PMEPA1: variants seen among roughly 807,000 people sequenced by gnomAD.
The protein encoded by PMEPA1 is protein TMEPAI.
Under a neutral mutation model 23.0 loss-of-function variants are expected in PMEPA1, and 11 were observed. The ratio of observed to expected loss-of-function variants is 0.48; its 90% CI spans 0.30 to 0.79. The LOEUF (loss-of-function observed/expected upper bound fraction) is 0.79, where lower values mean the gene tolerates loss of function less well. Among genes scored for constraint, PMEPA1 ranks in the 30% least tolerant of loss-of-function variants. The pLI, the probability that PMEPA1 is intolerant of heterozygous loss-of-function variation, is 0.06. For missense variants in PMEPA1, 377 were observed against 390.9 expected, an observed-to-expected ratio of 0.96 and a Z score of 0.30; for synonymous variants, 204 against 166.4, an observed-to-expected ratio of 1.23 and a Z score of -1.74.
intron 1 of PMEPA1, among the ~76,000 whole-genome samples, chr20:57,669,053 A>T (rs2071531853): frequency 1.3e-5 from 2 of 152,212 alleles, no homozygotes; most frequent in African/African-American, 4.8e-5. Context: ...AGTGGCTCAG[A>T]GCGAACTCAT....
chr20:57,676,798 A>C (rs1009115534), intron 1 of PMEPA1, among the ~76,000 whole-genome samples: 1 of 152,060 alleles, frequency 6.6e-6, no homozygotes, highest in African/African-American at 2.4e-5. Flanking sequence ...GAGGAGAGAG[A>C]ACCTTGGCGT....
chr20:57,675,028 A>G (rs2071617736), intron 1 of PMEPA1, among the ~76,000 whole-genome samples: 1 of 152,170 alleles, frequency 6.6e-6, no homozygotes, highest in Non-Finnish European at 1.5e-5. Flanking sequence ...CATGCCCCAT[A>G]TGGAGGGGTT....
Position 57,649,160 on chromosome 20 carries a change from C to T in PMEPA1, c.*2893G>A, listed in dbSNP as rs969199345. The T allele has an allele frequency of 2.0e-5, 3 of 152,266 alleles. No homozygotes were observed. The highest frequency in any genetic ancestry group is 7.2e-5 in the African/African-American group (3 of 41,434). 9.4% of individuals were successfully genotyped at this position (152,266 alleles called of 1,614,324 possible). ...GGCAGACCCCTGAAACGAAGCTTGTCCCCTTCCAATCAGCCACTTCTGAGA... is the reference window on the plus strand; with the variant it reads ...GGCAGACCCCTGAAACGAAGCTTGTTCCCTTCCAATCAGCCACTTCTGAGA... On this transcript the variant is annotated 3_prime_UTR_variant, in exon 4 of 4. Transcript: ENST00000341744.
chr20:57,695,837 G>A (rs1390626243), intron 1 of PMEPA1, among the ~76,000 whole-genome samples: 6 of 152,140 alleles, frequency 3.9e-5, no homozygotes, highest in African/African-American at 1.4e-4. Context: ...GGAGCTTTAG[G>A]AAACCCAGAT....
At position 57,652,971 on chromosome 20, in the gene PMEPA1, C is replaced by T; in HGVS notation, c.318+62G>A. 7.2e-7 allele frequency: 1 copy of T among 1,390,560 alleles called. No homozygotes were observed. The highest frequency in any genetic ancestry group is 2.4e-5 in the East Asian group (1 of 41,128). The allele number at this position is 1,390,560 out of a possible 1,614,324, so 86.1% of individuals were successfully genotyped here. ...CTTTAGCAGCCCACACTGTTCCAGCCGCAGCGGGAGCAGCCCAGGGTGGGA... is the reference window on the plus strand; with the variant it reads ...CTTTAGCAGCCCACACTGTTCCAGCTGCAGCGGGAGCAGCCCAGGGTGGGA... On this transcript the variant is annotated intron_variant, in intron 3 of 3. Transcript: ENST00000341744. The surrounding 1 kb of genome is among the most constrained non-coding windows in gnomAD (Gnocchi z 6.1).
intron 1 of PMEPA1, among the ~76,000 whole-genome samples, chr20:57,662,269 T>C (rs1429727883): frequency 1.3e-5 from 2 of 152,178 alleles, no homozygotes; most frequent in African/African-American, 4.8e-5. Context: ...CAAAGAATGA[T>C]CCAATCCAGT....
intron 2 of PMEPA1, among the ~76,000 whole-genome samples, chr20:57,658,036 ACT>A (rs2071352109): frequency 6.6e-6 from 1 of 152,022 alleles, no homozygotes. Flanking sequence ...TAAGAGATTA[ACT>A]CTGTGCCGCC....
chr20:57,696,374 T>C (rs1401428687), intron 1 of PMEPA1, among the ~76,000 whole-genome samples: 1 of 152,214 alleles, frequency 6.6e-6, no homozygotes, highest in Non-Finnish European at 1.5e-5. Context: ...AACCATGGGC[T>C]GGCAAAGGGT....
chr20:57,697,023 C>G (rs1304038813), intron 1 of PMEPA1, among the ~76,000 whole-genome samples: 4 of 152,306 alleles, frequency 2.6e-5, no homozygotes. Flanking sequence ...TGGGAGTTCC[C>G]GCTACATGGT....
chr20:57,700,528 A>G (rs2071997580), intron 1 of PMEPA1, among the ~76,000 whole-genome samples: 1 of 152,190 alleles, frequency 6.6e-6, no homozygotes, highest in African/African-American at 2.4e-5. Context: ...AGGGGAGTCT[A>G]GCACCACTGC....
chr20:57,692,136 G>A (rs143261994), intron 1 of PMEPA1, among the ~76,000 whole-genome samples: 24 of 152,196 alleles, frequency 1.6e-4, no homozygotes, highest in Non-Finnish European at 3.5e-4. Flanking sequence ...AAGCACCCAG[G>A]ACTGAGCTGA....
At chr20:57,686,795 C>T (rs1170538216) in intron 1 of PMEPA1, among the ~76,000 whole-genome samples, 1 of 152,216 alleles carries the variant, frequency 6.6e-6, no homozygotes. Context: ...GAGTGGAGCT[C>T]AGTGCTGGAC....
chr20:57,680,281 T>G (rs2071694982), intron 1 of PMEPA1, among the ~76,000 whole-genome samples: 1 of 152,248 alleles, frequency 6.6e-6, no homozygotes, highest in African/African-American at 2.4e-5. Flanking sequence ...ACCCGCATTC[T>G]GCAGATGAAG....
chr20:57,695,389 C>T (rs959832993), intron 1 of PMEPA1, among the ~76,000 whole-genome samples: 1 of 152,252 alleles, frequency 6.6e-6, no homozygotes, highest in African/African-American at 2.4e-5. Context: ...GTACCCGTTA[C>T]GGGCCCAGAT....
In PMEPA1 at chr20:57,704,402, C is replaced by T. The variant is rs571716785; in HGVS notation, c.109+5072G>A. 2.6e-5 allele frequency among the ~76,000 whole-genome samples: 4 copies of T among 152,296 alleles called. No homozygotes were observed. Among genetic ancestry groups the T allele is most frequent in the South Asian group, 4.1e-4 (2 of 4,830 alleles). On this transcript the variant is annotated intron_variant, in intron 1 of 3. Transcript: ENST00000341744. This position sits in a 1 kb window ranked among gnomAD's most constrained non-coding sequence, Gnocchi z 4.6. ...GTGCATGAAGAGTAGGTCCGTCTCC[C>T]GCACAGCTCCCGCACGTGCCCCAAC...
chr20:57,653,148 CA>C, intron 2 of PMEPA1, 62 bp from the exon 3 acceptor site: 1 of 1,378,580 alleles, frequency 7.3e-7, no homozygotes, highest in Non-Finnish European at 1.0e-6. Context: ...AGCAAAGGCT[CA>C]ACCCAGATTC....
chr20:57,710,613 A>G, upstream of PMEPA1: 1 of 747,200 alleles, frequency 1.3e-6, no homozygotes, highest in South Asian at 2.0e-5. Flanking sequence ...AGCCCTTGTC[A>G]TGTAAATAGC....
In PMEPA1 at chr20:57,675,290, A is replaced by G. The variant is rs75951925; in HGVS notation, c.110-15593T>C. Among the ~76,000 whole-genome samples the G allele has an allele frequency of 2.2e-3, 332 of 152,288 alleles. 3 individuals are homozygous for G. The South Asian group carries it at 0.027, about 12-fold the overall frequency. On this transcript the variant is annotated intron_variant, in intron 1 of 3. Transcript: ENST00000341744. ...GTCACAAGAGTGGACAACAAACTCA[A>G]AACAAAGTACCCACCCCGAAAAGCA...
At chr20:57,701,521 G>A (rs1600674724) in intron 1 of PMEPA1, among the ~76,000 whole-genome samples, 3 of 152,278 alleles carry the variant, frequency 2.0e-5, no homozygotes, top group African/African-American at 7.2e-5. Flanking sequence ...CAGGGGAGGT[G>A]GGTCTGCATT....
Sources: allele counts gnomAD v4.1 joint callset (sites outside exome capture counted in the v4.1 genomes callset), GRCh38; gene constraint gnomAD v4.1.1; non-coding constraint Gnocchi (gnomAD v3.1); transcripts MANE v1.5; gene names NCBI Gene and HGNC (gene_info 2026-07-23, HGNC 2026-07-21).